Variants in UBE2U observed in about 807,000 individuals in gnomAD.
UBE2U encodes ubiquitin conjugating enzyme E2 U.
Under a neutral mutation model 41.2 loss-of-function variants are expected in UBE2U, and 39 were observed. The ratio of observed to expected loss-of-function variants is 0.95; its 90% confidence interval spans 0.73 to 1.24. The LOEUF is 1.24. Among genes scored for constraint, UBE2U ranks in the 50% most tolerant of loss-of-function variants. The probability of loss-of-function intolerance (pLI) is 0.00; values close to 1 mark genes in which losing one functional copy is unlikely to be tolerated. For missense variants in UBE2U, 336 were observed against 363.1 expected (o/e 0.93, Z 0.61); for synonymous variants, 107 against 117.8 (o/e 0.91, Z 0.60).
At chr1:64,214,365 T>C (rs1428031111) in intron 4 of UBE2U, among the ~76,000 whole-genome samples, 1 of 152,198 alleles carries the variant, frequency 6.6e-6, no homozygotes, top group Non-Finnish European at 1.5e-5. Flanking sequence ...TGATGGGCAA[T>C]ACAAGTTGAG....
Position 64,214,882 on chromosome 1 carries a change from A to G in UBE2U, c.407A>G (p.Asp136Gly). ...NLEAARILVK[D>G]ESLYRTILRL... ...GAAGCAGCCAGAATACTGGTTAAAG[A>G]TGAATCTCTGTACAGAACAATTCTA... is the stretch of plus-strand genomic sequence containing the variant. Residue 136 changes from aspartate (D) to glycine (G), a missense_variant, in exon 5 of 10, where the codon GAT becomes GGT. Asp to Gly is a moderately conservative substitution (Grantham distance 94, BLOSUM62 -1). Coordinates refer to ENST00000371077, the MANE Select transcript of UBE2U (RefSeq NM_001366232.2). 5 of 1,614,220 alleles carry G rather than the reference A, an allele frequency of 3.1e-6. No homozygotes were observed. The highest frequency in any genetic ancestry group is 3.4e-6 in the Non-Finnish European group (4 of 1,180,020).
At chr1:64,207,481 C>A (rs1241664370) in intron 3 of UBE2U, among the ~76,000 whole-genome samples, 2 of 152,216 alleles carry the variant, frequency 1.3e-5, no homozygotes, top group South Asian at 4.1e-4. Flanking sequence ...CTTTTTTCTG[C>A]ATTATTAAAC....
intron 7 of UBE2U, among the ~76,000 whole-genome samples, 179 bp downstream of exon 7, chr1:64,232,828 T>C (rs772319534): frequency 6.6e-6 from 1 of 152,004 alleles, no homozygotes; most frequent in Non-Finnish European, 1.5e-5. Context: ...CAAAAAAAAA[T>C]AATTTTAACT....
intron 6 of UBE2U, among the ~76,000 whole-genome samples, chr1:64,225,595 G>C (rs982870947): frequency 1.3e-5 from 2 of 152,252 alleles, no homozygotes; most frequent in Non-Finnish European, 2.9e-5. Flanking sequence ...AAAGAGAAGA[G>C]TTATTAGGTT....
chr1:64,244,080 C>A, intron 8 of UBE2U: 1 of 1,337,036 alleles, frequency 7.5e-7, no homozygotes. Context: ...ATAAAGTTCG[C>A]TATTATTCAT....
intron 6 of UBE2U, among the ~76,000 whole-genome samples, chr1:64,223,562 C>T (rs575157371): frequency 6.6e-6 from 1 of 152,272 alleles, no homozygotes; most frequent in South Asian, 2.1e-4. Flanking sequence ...TCATCCATCT[C>T]TGGGGCCTCT....
At chr1:64,214,668 G>A (rs1222425008) in intron 4 of UBE2U, 147 bp from the exon 5 acceptor site, 2 of 625,472 alleles carry the variant, frequency 3.2e-6, no homozygotes, top group African/African-American at 3.7e-5. Flanking sequence ...TACAGACTAT[G>A]TCTCATGTTA....
intron 7 of UBE2U, among the ~76,000 whole-genome samples, chr1:64,239,999 G>C (rs1056528041): frequency 1.3e-5 from 2 of 152,130 alleles, no homozygotes; most frequent in African/African-American, 4.8e-5. Context: ...GTGTAAAAGT[G>C]TTCCTATTTC....
intron 9 of UBE2U, among the ~76,000 whole-genome samples, chr1:64,262,522 G>A (rs1425639231): frequency 2.0e-5 from 3 of 152,090 alleles, no homozygotes; most frequent in Non-Finnish European, 2.9e-5. Context: ...CTGTCTTTAG[G>A]AATGAGGGCC....
chr1:64,259,521 A>G (rs554963696), intron 8 of UBE2U, among the ~76,000 whole-genome samples: 34 of 152,120 alleles, frequency 2.2e-4, no homozygotes, highest in Non-Finnish European at 4.4e-4. Flanking sequence ...GAAGGGATCC[A>G]GTTTCAGCTT....
intron 8 of UBE2U, among the ~76,000 whole-genome samples, chr1:64,256,162 C>A (rs910997280): frequency 3.3e-5 from 5 of 152,048 alleles, no homozygotes; most frequent in African/African-American, 1.2e-4. Context: ...CATGGATAGA[C>A]AGAATCAATA....
chr1:64,241,846 T>G (rs1009434923), intron 8 of UBE2U, 113 bp downstream of exon 8: 2 of 706,294 alleles, frequency 2.8e-6, no homozygotes, highest in Non-Finnish European at 4.7e-6. Flanking sequence ...TAACAACTTA[T>G]ACCCTTTTCT....
intron 7 of UBE2U, among the ~76,000 whole-genome samples, chr1:64,234,622 T>G (rs955058322): frequency 3.3e-4 from 50 of 152,354 alleles, no homozygotes; most frequent in African/African-American, 1.1e-3. Context: ...TTAATTATTT[T>G]GTGATTATAT....
intron 8 of UBE2U, among the ~76,000 whole-genome samples, chr1:64,259,398 A>G (rs1005013607): frequency 1.3e-5 from 2 of 152,098 alleles, no homozygotes; most frequent in African/African-American, 2.4e-5. Context: ...GTCCTTGCCC[A>G]TGCCTATGTC....
At chr1:64,205,604 G>A in intron 1 of UBE2U, 35 bp from the exon 2 acceptor site, 2 of 1,562,592 alleles carry the variant, frequency 1.3e-6, no homozygotes, top group Non-Finnish European at 1.7e-6. Context: ...TACTTAATAA[G>A]TTTTTTCTGA....
chr1:64,217,411 TA>T (rs1253469459), intron 5 of UBE2U, among the ~76,000 whole-genome samples: 10 of 152,210 alleles, frequency 6.6e-5, no homozygotes, highest in Non-Finnish European at 1.2e-4. Flanking sequence ...TGAGTATTGC[TA>T]CTTACTTTCT....
At chr1:64,206,680 T>C (rs1163132871) in intron 2 of UBE2U, 84 bp from the exon 3 acceptor site, 5 of 807,514 alleles carry the variant, frequency 6.2e-6, no homozygotes, top group Non-Finnish European at 9.9e-6. Flanking sequence ...GACTAAACCA[T>C]AGGGAGAAAC....
chr1:64,266,925 G>A (rs535240086), intron 9 of UBE2U, 99 bp from the exon 10 acceptor site: 3 of 1,077,172 alleles, frequency 2.8e-6, no homozygotes, highest in Non-Finnish European at 3.9e-6. Flanking sequence ...TCATTCAGAT[G>A]GTCTTTGGCA....
At chr1:64,234,570 A>G (rs1163621770) in intron 7 of UBE2U, among the ~76,000 whole-genome samples, 1 of 152,238 alleles carries the variant, frequency 6.6e-6, no homozygotes, top group East Asian at 1.9e-4. Flanking sequence ...AATTAGATCA[A>G]TAACTTTTAA....
Sources: gnomAD v4.1 joint callset for allele counts (sites outside exome capture counted in the v4.1 genomes callset) on GRCh38, gnomAD v4.1.1 for gene constraint, MANE v1.5 for transcripts, NCBI Gene and HGNC (gene_info 2026-07-23, HGNC 2026-07-21) for gene names.